Variants in UPRT observed in about 807,000 individuals in gnomAD.
UPRT encodes RP11-311P8.3.
UPRT carries 5 observed loss-of-function variants against 22.6 expected under a neutral mutation model. The observed-to-expected ratio is 0.22, with a 90% confidence interval of 0.12 to 0.47. The LOEUF (loss-of-function observed/expected upper bound fraction) is 0.47. Among genes scored for constraint, UPRT ranks in the 20% least tolerant of loss-of-function variants. UPRT has a pLI of 0.99. For missense variants in UPRT, 181 were observed against 239.9 expected, an observed-to-expected ratio of 0.75 and a Z score of 1.62; for synonymous variants, 77 against 87.7, an observed-to-expected ratio of 0.88 and a Z score of 0.68.
intron 1 of UPRT, chrX:75,291,650 A>G (rs1325803860): frequency 6.8e-6 from 1 of 147,339 alleles, no homozygotes; most frequent in African/African-American, 3.2e-5. Context: ...AAAAAAAAAA[A>G]CGAGGTCAAC....
chrX:75,279,299 C>T (rs192890479), intron 1 of UPRT, among the ~76,000 whole-genome samples: 113 of 111,514 alleles, frequency 1.0e-3, no homozygotes, highest in Middle Eastern at 4.7e-3. Flanking sequence ...AAATGCCCAC[C>T]GCAGAAAAAA....
chrX:75,280,222 T>C (rs2082649386), intron 1 of UPRT, among the ~76,000 whole-genome samples: 1 of 110,946 alleles, frequency 9.0e-6, no homozygotes, highest in Non-Finnish European at 1.9e-5. Context: ...TCCCACTATA[T>C]GGGTTGTCTG....
rs769445227 is a variant in UPRT, at chrX:75,291,380, G to A, written c.387-2092G>A. The A allele has an allele frequency of 1.3e-5, 4 of 319,317 alleles. No homozygotes were observed. In the East Asian group the frequency reaches 4.1e-4, roughly 33 times the overall value. 26.3% of individuals were successfully genotyped at this position (319,317 alleles called of 1,213,427 possible). On this transcript the variant is annotated intron_variant, in intron 1 of 6. Coordinates refer to ENST00000373383, the MANE Select transcript of UPRT (RefSeq NM_145052.4). The stretch of plus-strand genomic sequence containing the variant: ...TATTATCAGATAGAAGATAATTAAT[G>A]TGTCTTTCAAAGCTTTTTTTCCAGT...
chrX:75,243,779 A>G (rs2082495467), intron 4 of UPRT, among the ~76,000 whole-genome samples: 1 of 111,941 alleles, frequency 8.9e-6, no homozygotes, highest in African/African-American at 3.2e-5. Context: ...GAACAAAACT[A>G]TAGTGCAGTT....
chrX:75,273,900 G>T (rs1032678503), upstream of UPRT, among the ~76,000 whole-genome samples: 1 of 111,518 alleles, frequency 9.0e-6, no homozygotes, highest in Admixed American at 9.5e-5. Flanking sequence ...GAAGCCCCAG[G>T]GGCCCCCGGA....
chrX:75,295,614 C>T (rs1419297035), intron 2 of UPRT, among the ~76,000 whole-genome samples: 2 of 112,185 alleles, frequency 1.8e-5, no homozygotes, highest in African/African-American at 6.5e-5. Context: ...GTTGCAGATT[C>T]TCAATCAGTA....
chrX:75,247,748 G>C (rs933355293), intron 4 of UPRT, among the ~76,000 whole-genome samples: 7 of 112,266 alleles, frequency 6.2e-5, no homozygotes, highest in Non-Finnish European at 1.3e-4. Context: ...CACGCAGCTT[G>C]AGATCTGAGA....
At chrX:75,277,394 G>T (rs1185232381) in intron 1 of UPRT, among the ~76,000 whole-genome samples, 1 of 110,999 alleles carries the variant, frequency 9.0e-6, no homozygotes, top group Non-Finnish European at 1.9e-5. Flanking sequence ...GTAAACCTGG[G>T]TGTAAGTGGA....
chrX:75,263,438 T>G (rs1243092035), intron 4 of UPRT, among the ~76,000 whole-genome samples: 1 of 111,820 alleles, frequency 8.9e-6, no homozygotes, highest in Non-Finnish European at 1.9e-5. Context: ...TCTTCCTGGT[T>G]TAGTCTTGGG....
At chrX:75,209,730 C>G (rs781684259) in intron 4 of UPRT, among the ~76,000 whole-genome samples, 1 of 112,205 alleles carries the variant, frequency 8.9e-6, no homozygotes, top group East Asian at 2.8e-4. Flanking sequence ...GGGATTAGGG[C>G]AGGCTTTTGC....
intron 4 of UPRT, among the ~76,000 whole-genome samples, chrX:75,255,745 C>T (rs775394657): frequency 5.4e-5 from 6 of 111,943 alleles, no homozygotes; most frequent in Admixed American, 4.7e-4. Context: ...TTGAAAGCAA[C>T]AGCAGTTAAT....
At chrX:75,239,605 C>T (rs753277927) in intron 4 of UPRT, among the ~76,000 whole-genome samples, 1 of 110,866 alleles carries the variant, frequency 9.0e-6, no homozygotes, top group Non-Finnish European at 1.9e-5. Flanking sequence ...TTTTATGAAG[C>T]CATGATCACC....
chrX:75,242,716 T>A (rs1309011904), intron 4 of UPRT, among the ~76,000 whole-genome samples: 2 of 111,101 alleles, frequency 1.8e-5, no homozygotes, highest in Non-Finnish European at 3.8e-5. Context: ...ATAAAACATA[T>A]TGCATAGAAA....
intron 1 of UPRT, 82 bp downstream of exon 1, chrX:75,274,722 A>G: frequency 3.7e-6 from 4 of 1,074,046 alleles, no homozygotes; most frequent in Non-Finnish European, 4.9e-6. Flanking sequence ...GGGCTAAGAG[A>G]CAGTGTTCTT....
chrX:75,301,488 T>A (rs2082744167), intron 6 of UPRT, among the ~76,000 whole-genome samples: 1 of 112,091 alleles, frequency 8.9e-6, no homozygotes, highest in African/African-American at 3.2e-5. Context: ...CAATTGGGAA[T>A]ATATTTTAAG....
chrX:75,254,002 T>C (rs1218983819), intron 4 of UPRT, among the ~76,000 whole-genome samples: 1 of 111,296 alleles, frequency 9.0e-6, no homozygotes, highest in East Asian at 2.8e-4. Flanking sequence ...GAAAAGGCCT[T>C]TGGGAGCAAG....
intron 1 of UPRT, 47 bp from the exon 2 acceptor site, chrX:75,293,425 G>A: frequency 1.8e-6 from 2 of 1,128,954 alleles, no homozygotes; most frequent in Non-Finnish European, 1.2e-6. Context: ...ATAACATTTT[G>A]CCTTAAAGCT....
intron 4 of UPRT, among the ~76,000 whole-genome samples, chrX:75,214,920 T>A (rs1273908022): frequency 1.1e-4 from 12 of 106,905 alleles, no homozygotes; most frequent in African/African-American, 4.2e-4. Flanking sequence ...CTCAAAAAAA[T>A]TTGCCAAGAA....
intron 4 of UPRT, among the ~76,000 whole-genome samples, chrX:75,235,470 C>A (rs1485235417): frequency 8.9e-6 from 1 of 111,741 alleles, no homozygotes; most frequent in African/African-American, 3.3e-5. Flanking sequence ...CAAAGCCGGG[C>A]AGGGACACAA....
Sources: allele counts gnomAD v4.1 joint callset (sites outside exome capture counted in the v4.1 genomes callset), GRCh38; gene constraint gnomAD v4.1.1; transcripts MANE v1.5; gene names NCBI Gene and HGNC (gene_info 2026-07-23, HGNC 2026-07-21).